Variants in DTYMK observed in about 807,000 individuals in gnomAD.
The protein encoded by DTYMK is thymidylate kinase.
A neutral mutation model predicts 20.3 loss-of-function variants in DTYMK; 20 were observed. The ratio of observed to expected loss-of-function variants is 0.99; its 90% CI spans 0.69 to 1.43. DTYMK has a LOEUF of 1.43. Ranked by LOEUF, DTYMK falls within the 40% of genes most tolerant of loss-of-function variation. The pLI, the probability that DTYMK is intolerant of heterozygous loss-of-function variation, is 0.00. For missense variants in DTYMK, 320 were observed against 291.1 expected (o/e 1.10, Z -0.72); for synonymous variants, 148 against 124.4 (o/e 1.19, Z -1.27).
intron 2 of DTYMK, chr2:241,682,321 A>C (rs1350038955): frequency 2.4e-6 from 1 of 418,850 alleles, no homozygotes; most frequent in Non-Finnish European, 4.8e-6. Context: ...CCTGCATGAC[A>C]CAGAGACCCT....
intron 2 of DTYMK, chr2:241,682,069 T>C: frequency 3.1e-6 from 1 of 318,730 alleles, no homozygotes; most frequent in South Asian, 2.3e-5. Context: ...CCAGGCAGGG[T>C]GGCTCATGCC....
At chr2:241,682,828 G>GCTT (rs1181639851) in intron 2 of DTYMK, 1 of 177,608 alleles carries the variant, frequency 5.6e-6, no homozygotes, top group Non-Finnish European at 1.2e-5. Flanking sequence ...AGAGGCTGAG[G>GCTT]CAGGAGAATC....
intron 3 of DTYMK, among the ~76,000 whole-genome samples, chr2:241,679,496 C>T (rs1280331626): frequency 3.9e-5 from 6 of 152,212 alleles, no homozygotes; most frequent in South Asian, 2.1e-4. Flanking sequence ...TGGCCGGGCA[C>T]GGTGGCTCGC....
chr2:241,676,336 C>T (rs2069116244), intron 4 of DTYMK, 99 bp from the exon 5 acceptor site: 2 of 1,132,978 alleles, frequency 1.8e-6, no homozygotes, highest in South Asian at 1.4e-5. Context: ...TTGGGAGGCC[C>T]ACGAGGGAGG....
Position 241,685,785 on chromosome 2 carries a change from T to C in DTYMK, c.223A>G (p.Asn75Asp). ...DHSVHLLFSA[N>D]RWEQVPLIKE... ...GGTTTTTACACTTGTTCCCAGCGATTTGCAGAAAAAAGCAGGTGCACCGAG... is the reference window on the plus strand; with the variant it reads ...GGTTTTTACACTTGTTCCCAGCGATCTGCAGAAAAAAGCAGGTGCACCGAG... The change falls in exon 2 of 5, where the codon AAT (asparagine) becomes GAT (aspartate). Residue 75 changes from asparagine to aspartate, a missense_variant. Physicochemically the swap from Asn to Asp is conservative, Grantham distance 23. Transcript: ENST00000305784. 1 of 1,614,070 alleles carries C rather than the reference T, an allele frequency of 6.2e-7. No individual in the cohort carries two copies. Among genetic ancestry groups the C allele is most frequent in the Non-Finnish European group, 8.5e-7 (1 of 1,179,924 alleles).
intron 4 of DTYMK, 116 bp downstream of exon 4, chr2:241,678,336 C>T: frequency 6.9e-7 from 1 of 1,445,664 alleles, no homozygotes; most frequent in Non-Finnish European, 9.4e-7. Flanking sequence ...GGCTCCACAT[C>T]TGGGAGGACC....
chr2:241,678,688 T>C (rs906754424), intron 3 of DTYMK, 39 bp from the exon 4 acceptor site: 4 of 1,599,302 alleles, frequency 2.5e-6, no homozygotes, highest in African/African-American at 2.7e-5. Flanking sequence ...CTTAGTGTAG[T>C]CTAGGTTTTT....
At chr2:241,683,956 C>G (rs554860497) in intron 2 of DTYMK, among the ~76,000 whole-genome samples, 126 of 152,144 alleles carry the variant, frequency 8.3e-4, no homozygotes, top group African/African-American at 2.9e-3. Context: ...ACTCAGGAGG[C>G]TGAGGCAGGA....
chr2:241,680,743 T>G (rs1052220504), intron 2 of DTYMK, among the ~76,000 whole-genome samples: 1 of 152,170 alleles, frequency 6.6e-6, no homozygotes, highest in Non-Finnish European at 1.5e-5. Context: ...TACAGCACAG[T>G]GATTTGTAAC....
chr2:241,681,849 C>T (rs1393909062), intron 2 of DTYMK: 1 of 162,300 alleles, frequency 6.2e-6, no homozygotes, highest in Non-Finnish European at 1.4e-5. Flanking sequence ...TTGAGACCAG[C>T]CTGAGTAACA....
At chr2:241,686,214 A>G (rs2069397677) in intron 1 of DTYMK, among the ~76,000 whole-genome samples, 2 of 152,238 alleles carry the variant, frequency 1.3e-5, no homozygotes, top group South Asian at 2.1e-4. Context: ...TATGCTATAA[A>G]ACCCCTGAAA....
At chr2:241,683,498 C>T (rs1391037404) in intron 2 of DTYMK, among the ~76,000 whole-genome samples, 1 of 152,128 alleles carries the variant, frequency 6.6e-6, no homozygotes, top group Admixed American at 6.5e-5. Context: ...ACATTTCTTC[C>T]AATGTGGCCC....
chr2:241,682,248 G>A (rs1336037467), intron 2 of DTYMK: 1 of 454,580 alleles, frequency 2.2e-6, no homozygotes, highest in Non-Finnish European at 4.4e-6. Flanking sequence ...GGCTGAGGTG[G>A]GAAGATCACT....
chr2:241,684,711 C>A, intron 2 of DTYMK: 1 of 464,880 alleles, frequency 2.2e-6, no homozygotes, highest in Non-Finnish European at 4.4e-6. Flanking sequence ...ATTGAAAGAA[C>A]ACACATCAAC....
At position 241,685,031 on chromosome 2, in the gene DTYMK, TAAAA is replaced by T. The variant is rs113063977; in HGVS notation, c.239+734_239+737del. On this transcript the variant is annotated intron_variant, in intron 2 of 4. Coordinates refer to ENST00000305784, the MANE Select transcript of DTYMK (RefSeq NM_012145.4). ...ATATGGTGAGACCTTGACTCTACAT[TAAAA>T]AAAAAAAAAAAAATTAGCCGGGCTT... 15 of 144,900 alleles carry T rather than the reference TAAAA, an allele frequency of 1.0e-4. No homozygotes were observed. In the South Asian group the frequency reaches 1.5e-3, roughly 14 times the overall value. The allele number at this position is 144,900 out of a possible 1,614,324, so 9.0% of individuals were successfully genotyped here.
At chr2:241,680,154 C>G in intron 3 of DTYMK, 75 bp downstream of exon 3, 5 of 1,375,832 alleles carry the variant, frequency 3.6e-6, no homozygotes, top group Non-Finnish European at 5.1e-6. Flanking sequence ...AGGCATGTCA[C>G]TCGTACTCGC....
intron 2 of DTYMK, chr2:241,683,024 G>C (rs2069301416): frequency 6.5e-6 from 1 of 153,516 alleles, no homozygotes; most frequent in South Asian, 2.0e-4. Flanking sequence ...AGCCTGGGAA[G>C]TAGAGGCTGC....
chr2:241,676,006 G>A lies in DTYMK; in HGVS notation c.*121C>T, dbSNP rs1273353806. ...CAGAAGAGGCAGCCTGCAGATCTCTGCTGCCGGGAAAGAGCTCCTGAAGTT... is the reference window on the plus strand; with the variant it reads ...CAGAAGAGGCAGCCTGCAGATCTCTACTGCCGGGAAAGAGCTCCTGAAGTT... On this transcript the variant is annotated 3_prime_UTR_variant, in exon 5 of 5. Transcript: ENST00000305784. 3.1e-6 allele frequency: 3 copies of A among 978,452 alleles called. No homozygotes were observed. The highest frequency in any genetic ancestry group is 4.3e-6 in the Non-Finnish European group (3 of 689,686). The allele number at this position is 978,452 out of a possible 1,614,324, so 60.6% of individuals were successfully genotyped here.
intron 2 of DTYMK, among the ~76,000 whole-genome samples, chr2:241,683,823 C>T (rs1465478568): frequency 3.3e-5 from 5 of 152,024 alleles, no homozygotes; most frequent in East Asian, 1.9e-4. Context: ...TGTGGGAGGC[C>T]GACGTGGGAG....
Sources: allele counts gnomAD v4.1 joint callset (sites outside exome capture counted in the v4.1 genomes callset), GRCh38; gene constraint gnomAD v4.1.1; transcripts MANE v1.5; gene names NCBI Gene and HGNC (gene_info 2026-07-23, HGNC 2026-07-21).